Variants in AUH observed in about 807,000 individuals in gnomAD.
AUH encodes the protein AU RNA binding methylglutaconyl-CoA hydratase, also known as methylglutaconyl-CoA hydratase, mitochondrial.
In AUH, 29 loss-of-function variants were observed where a neutral mutation model predicts 42.3. That is an observed-to-expected ratio of 0.69 (90% CI 0.51 to 0.93). The LOEUF is 0.93. Ranked by LOEUF, AUH falls within the 40% of genes least tolerant of loss-of-function variation. The pLI is 0.00. For missense variants in AUH, 452 were observed against 438.1 expected (o/e 1.03, Z -0.28); for synonymous variants, 174 against 166.4 (o/e 1.05, Z -0.35).
At chr9:91,227,931 G>C (rs1216904014) in intron 6 of AUH, among the ~76,000 whole-genome samples, 4 of 151,908 alleles carry the variant, frequency 2.6e-5, no homozygotes, top group Admixed American at 6.6e-5. Flanking sequence ...TAAGCTTTTT[G>C]ATGTGCTGCT....
chr9:91,227,908 TG>T (rs1827614714), intron 6 of AUH, among the ~76,000 whole-genome samples: 1 of 151,844 alleles, frequency 6.6e-6, no homozygotes, highest in South Asian at 2.1e-4. Context: ...GAAGCCCACT[TG>T]ATCATGGTGG....
intron 9 of AUH, among the ~76,000 whole-genome samples, chr9:91,214,787 G>C (rs1018436264): frequency 6.6e-6 from 1 of 152,162 alleles, no homozygotes; most frequent in Non-Finnish European, 1.5e-5. Context: ...AATTCCTCAA[G>C]ACATCTCTGA....
intron 4 of AUH, among the ~76,000 whole-genome samples, chr9:91,305,453 A>C (rs1828136291): frequency 6.6e-6 from 1 of 152,162 alleles, no homozygotes; most frequent in African/African-American, 2.4e-5. Flanking sequence ...GCTTCCATCA[A>C]ATATATGCCA....
chr9:91,224,606 C>T (rs374783560), intron 6 of AUH, among the ~76,000 whole-genome samples: 27 of 152,182 alleles, frequency 1.8e-4, no homozygotes, highest in African/African-American at 6.5e-4. Flanking sequence ...GGTCTTTGAT[C>T]AGTTTTGTGT....
intron 3 of AUH, among the ~76,000 whole-genome samples, chr9:91,351,140 T>C (rs1446438650): frequency 6.6e-6 from 1 of 152,078 alleles, no homozygotes; most frequent in African/African-American, 2.4e-5. Context: ...TGGCTAATTT[T>C]AGTATATTTT....
intron 6 of AUH, among the ~76,000 whole-genome samples, chr9:91,262,388 C>T (rs1298819774): frequency 6.6e-6 from 1 of 152,122 alleles, no homozygotes; most frequent in African/African-American, 2.4e-5. Context: ...GCAAGAGGTA[C>T]CAAAGACCTA....
At chr9:91,323,409 G>T (rs1467746070) in intron 4 of AUH, among the ~76,000 whole-genome samples, 1 of 152,116 alleles carries the variant, frequency 6.6e-6, no homozygotes, top group Non-Finnish European at 1.5e-5. Flanking sequence ...TGGATCACGA[G>T]GTCAAGAGAT....
At chr9:91,246,963 ACTT>A (rs1411819888) in intron 6 of AUH, among the ~76,000 whole-genome samples, 5 of 152,230 alleles carry the variant, frequency 3.3e-5, no homozygotes, top group African/African-American at 1.2e-4. Context: ...GCCTTCCCAG[ACTT>A]CTTATAAAAA....
chr9:91,232,153 G>A (rs1827923555), intron 6 of AUH, among the ~76,000 whole-genome samples: 1 of 152,150 alleles, frequency 6.6e-6, no homozygotes, highest in African/African-American at 2.4e-5. Context: ...AGGAGGCTGG[G>A]GCAGGGGGAT....
chr9:91,331,596 A>G (rs567654642), intron 3 of AUH, among the ~76,000 whole-genome samples: 75 of 152,356 alleles, frequency 4.9e-4, no homozygotes, highest in Non-Finnish European at 9.3e-4. Context: ...TGTATAATAC[A>G]CTAAGTAGAC....
chr9:91,251,649 A>C (rs1829132751), intron 6 of AUH, among the ~76,000 whole-genome samples: 1 of 152,192 alleles, frequency 6.6e-6, no homozygotes, highest in South Asian at 2.1e-4. Context: ...GGATAGAGTA[A>C]ACTTTCCATT....
intron 3 of AUH, among the ~76,000 whole-genome samples, chr9:91,327,398 G>A (rs1204951021): frequency 1.3e-5 from 2 of 152,114 alleles, no homozygotes; most frequent in African/African-American, 4.8e-5. Context: ...GTTCCTTCTG[G>A]ATGATGCCTT....
intron 4 of AUH, among the ~76,000 whole-genome samples, chr9:91,313,183 G>A (rs1023322395): frequency 6.6e-6 from 1 of 152,144 alleles, no homozygotes; most frequent in Non-Finnish European, 1.5e-5. Context: ...GAATCCGTCT[G>A]CTTCCTTAAT....
At chr9:91,331,640 T>C (rs1587874859) in intron 3 of AUH, among the ~76,000 whole-genome samples, 1 of 152,234 alleles carries the variant, frequency 6.6e-6, no homozygotes, top group Non-Finnish European at 1.5e-5. Flanking sequence ...TTAACAATTT[T>C]GAGAAAACAT....
chr9:91,236,486 C>T (rs535697484), intron 6 of AUH, among the ~76,000 whole-genome samples: 1 of 152,220 alleles, frequency 6.6e-6, no homozygotes, highest in South Asian at 2.1e-4. Flanking sequence ...TCACAAAGAA[C>T]CATGAAATCT....
intron 3 of AUH, among the ~76,000 whole-genome samples, chr9:91,355,430 G>A (rs1832330877): frequency 6.6e-6 from 1 of 151,942 alleles, no homozygotes; most frequent in South Asian, 2.1e-4. Flanking sequence ...GGTGGCAGGC[G>A]CCTGTAATCC....
chr9:91,228,827 G>A (rs1453271199), intron 6 of AUH, among the ~76,000 whole-genome samples: 4 of 152,322 alleles, frequency 2.6e-5, no homozygotes, highest in Admixed American at 6.5e-5. Context: ...TAGTCATTTA[G>A]GAGCAGGTTG....
chr9:91,290,600 A>G (rs1826785870), intron 6 of AUH, among the ~76,000 whole-genome samples: 1 of 152,196 alleles, frequency 6.6e-6, no homozygotes, highest in African/African-American at 2.4e-5. Flanking sequence ...TAATGCAGCC[A>G]CTATTGCAGA....
At chr9:91,316,887 T>A (rs1829200994) in intron 4 of AUH, among the ~76,000 whole-genome samples, 1 of 152,270 alleles carries the variant, frequency 6.6e-6, no homozygotes, top group South Asian at 2.1e-4. Context: ...TTTAATTTGG[T>A]AAAATTGATC....
Sources: allele counts gnomAD v4.1 joint callset (sites outside exome capture counted in the v4.1 genomes callset), GRCh38; gene constraint gnomAD v4.1.1; transcripts MANE v1.5; gene names NCBI Gene and HGNC (gene_info 2026-07-23, HGNC 2026-07-21).